The following MGAT5 variants were observed in gnomAD, a reference collection of about 807,000 sequenced individuals.
MGAT5 encodes alpha-1,6-mannosylglycoprotein 6-beta-N-acetylglucosaminyltransferase A.
MGAT5 carries 30 observed loss-of-function variants against 94.3 expected under a neutral mutation model. That is an observed-to-expected ratio of 0.32 (90% confidence interval 0.24 to 0.43). The LOEUF (loss-of-function observed/expected upper bound fraction) is 0.43, where lower values mean the gene tolerates loss of function less well. Ranked by LOEUF, MGAT5 falls within the 20% of genes least tolerant of loss-of-function variation. MGAT5 has a pLI of 1.00. For missense variants in MGAT5, 691 were observed against 905.5 expected, an observed-to-expected ratio of 0.76 and a Z score of 3.04; for synonymous variants, 310 against 322.9, an observed-to-expected ratio of 0.96 and a Z score of 0.43.
upstream of MGAT5, among the ~76,000 whole-genome samples, chr2:134,249,722 C>A (rs1368908318): frequency 6.6e-6 from 1 of 152,202 alleles, no homozygotes; most frequent in East Asian, 1.9e-4. Context: ...CTGCTGAGTA[C>A]TTCTGTGTAC....
At chr2:134,222,419 G>T (rs544082801) in intron 1 of MGAT5, among the ~76,000 whole-genome samples, 3 of 152,300 alleles carry the variant, frequency 2.0e-5, no homozygotes, top group Non-Finnish European at 4.4e-5. Context: ...CTTATTAAGG[G>T]TTATTTGAAT....
intron 1 of MGAT5, among the ~76,000 whole-genome samples, chr2:134,227,598 G>A (rs922790769): frequency 1.3e-5 from 2 of 152,184 alleles, no homozygotes; most frequent in African/African-American, 2.4e-5. Context: ...TCTGGAAAAG[G>A]TAAACACTAA....
At chr2:134,423,681 A>C (rs1327867151) in intron 13 of MGAT5, among the ~76,000 whole-genome samples, 2 of 152,216 alleles carry the variant, frequency 1.3e-5, no homozygotes, top group Admixed American at 6.5e-5. Flanking sequence ...GGCTGGACGC[A>C]CACAGTGTGG....
chr2:134,300,030 G>A (rs907800014), intron 2 of MGAT5, among the ~76,000 whole-genome samples: 3 of 152,146 alleles, frequency 2.0e-5, no homozygotes, highest in African/African-American at 7.2e-5. Flanking sequence ...AGAGGTTGCT[G>A]TTATATTCAT....
At chr2:134,196,742 A>C (rs529953725) in intron 1 of MGAT5, among the ~76,000 whole-genome samples, 5 of 152,226 alleles carry the variant, frequency 3.3e-5, no homozygotes, top group Non-Finnish European at 7.3e-5. Flanking sequence ...TTCTTAAAAA[A>C]TGGAATTTTT....
intron 1 of MGAT5, among the ~76,000 whole-genome samples, chr2:134,233,530 G>A (rs918333316): frequency 2.6e-5 from 4 of 152,134 alleles, no homozygotes; most frequent in Non-Finnish European, 4.4e-5. Context: ...TTGAGAAAAG[G>A]AACTGAAGGG....
intron 10 of MGAT5, among the ~76,000 whole-genome samples, chr2:134,366,546 C>G (rs933316137): frequency 6.6e-6 from 1 of 152,186 alleles, no homozygotes; most frequent in Non-Finnish European, 1.5e-5. Context: ...TTCAGACTTG[C>G]AACTTAACCA....
At chr2:134,312,104 A>G (rs1271992950) in intron 2 of MGAT5, among the ~76,000 whole-genome samples, 1 of 152,088 alleles carries the variant, frequency 6.6e-6, no homozygotes, top group Non-Finnish European at 1.5e-5. Context: ...GCAAAAACTA[A>G]CCAGTCACAA....
Position 134,362,319 on chromosome 2 carries a change from C to T in MGAT5, c.1291C>T (p.His431Tyr). Residue 431 changes from histidine (H) to tyrosine (Y), a missense_variant, in exon 10 of 16, where the codon CAC (histidine) becomes TAC (tyrosine). Physicochemically the swap from His to Tyr is moderately conservative, Grantham distance 83. Coordinates refer to ENST00000281923, the MANE Select transcript of MGAT5 (RefSeq NM_002410.5). ...NSFLGFVVEQHLNSSDIHHIN... is the reference protein window; with the variant it reads ...NSFLGFVVEQYLNSSDIHHIN... ...CTTTCTGGGGTTTGTGGTTGAGCAG[C>T]ACCTGAACTCCAGTGATATCCACCA... is the stretch of plus-strand genomic sequence containing the variant. 3 of 1,614,042 alleles carry T rather than the reference C, an allele frequency of 1.9e-6. No homozygotes were observed. The highest frequency in any genetic ancestry group is 1.7e-6 in the Non-Finnish European group (2 of 1,179,892).
At chr2:134,336,050 A>G (rs1019299603) in intron 4 of MGAT5, among the ~76,000 whole-genome samples, 167 bp from the exon 5 acceptor site, 4 of 152,102 alleles carry the variant, frequency 2.6e-5, no homozygotes, top group African/African-American at 7.2e-5. Context: ...CTGAGAGGGC[A>G]CTTGTATCTG....
intron 1 of MGAT5, among the ~76,000 whole-genome samples, chr2:134,202,902 C>T (rs1197325549): frequency 6.6e-6 from 1 of 152,088 alleles, no homozygotes; most frequent in Admixed American, 6.5e-5. Flanking sequence ...GAAAGTCATG[C>T]GGAGTCAAAC....
chr2:134,304,578 A>G (rs1361910630), intron 2 of MGAT5, among the ~76,000 whole-genome samples: 2 of 152,200 alleles, frequency 1.3e-5, no homozygotes, highest in Non-Finnish European at 2.9e-5. Flanking sequence ...CCAGGATTAT[A>G]AGAATACTTG....
rs78593593 is a variant in MGAT5 at position 134,188,444 on chromosome 2, A to G, written c.-142-65818A>G. Among the ~76,000 whole-genome samples the G allele has an allele frequency of 7.1e-3, 1,083 of 152,362 alleles. 7 individuals are homozygous for G. Among genetic ancestry groups the G allele is most frequent in the African/African-American group, 0.025 (1,034 of 41,586 alleles). On this transcript the variant is annotated intron_variant, in intron 1 of 16. Coordinates refer to the MGAT5 transcript ENST00000409645. ...CTCTCATCTGCAAAGTGGGAATGAT[A>G]CAGTACCTATCCTATGAGGTTGCTG...
chr2:134,214,436 A>C (rs1474643016), intron 1 of MGAT5, among the ~76,000 whole-genome samples: 2 of 152,172 alleles, frequency 1.3e-5, no homozygotes, highest in African/African-American at 2.4e-5. Flanking sequence ...CATAAAATAC[A>C]CTAACGATAG....
intron 1 of MGAT5, among the ~76,000 whole-genome samples, chr2:134,217,770 C>G (rs1455986538): frequency 6.6e-6 from 1 of 152,120 alleles, no homozygotes; most frequent in African/African-American, 2.4e-5. Context: ...TGGTCCTCTT[C>G]TGAGAGAAAA....
In MGAT5 at chr2:134,440,667, C is replaced by T. The variant is rs192576129; in HGVS notation, c.1870-1091C>T. 6.6e-5 allele frequency among the ~76,000 whole-genome samples: 10 copies of T among 152,288 alleles called. No homozygotes were observed. In the East Asian group the frequency reaches 1.7e-3, roughly 26 times the overall value. ...GTACAATAAAACTTCATAAAGTCTA[C>T]GATAATCATACACATGCAAGAAATC... On this transcript the variant is annotated intron_variant, in intron 14 of 15. Transcript: ENST00000281923.
chr2:134,301,001 T>C (rs1461033502), intron 2 of MGAT5, among the ~76,000 whole-genome samples: 4 of 152,082 alleles, frequency 2.6e-5, no homozygotes, highest in African/African-American at 7.2e-5. Flanking sequence ...CCCAGAATGT[T>C]CCCCCATGCC....
chr2:134,420,581 G>A (rs959445701), intron 12 of MGAT5, among the ~76,000 whole-genome samples: 7 of 152,122 alleles, frequency 4.6e-5, no homozygotes, highest in African/African-American at 1.4e-4. Flanking sequence ...AGGGAAAGAC[G>A]GAGGGGTGCC....
chr2:134,185,565 A>G (rs1410710849), intron 1 of MGAT5, among the ~76,000 whole-genome samples: 4 of 152,230 alleles, frequency 2.6e-5, no homozygotes, highest in Admixed American at 1.3e-4. Context: ...TATGTTGCAT[A>G]TCTTGTTTCA....
Sources: gnomAD v4.1 joint callset for allele counts (sites outside exome capture counted in the v4.1 genomes callset) on GRCh38, gnomAD v4.1.1 for gene constraint, MANE v1.5 for transcripts, NCBI Gene and HGNC (gene_info 2026-07-23, HGNC 2026-07-21) for gene names.